C5: variants seen among roughly 807,000 people sequenced by gnomAD.
C5 encodes C3 and PZP-like alpha-2-macroglobulin domain-containing protein 4.
Under a neutral mutation model 218.8 loss-of-function variants are expected in C5, and 140 were observed. The ratio of observed to expected loss-of-function variants is 0.64; its 90% confidence interval spans 0.56 to 0.74. The LOEUF (loss-of-function observed/expected upper bound fraction) is 0.74. C5 is among the 30% of genes least tolerant of loss of function. C5 has a pLI of 0.00. For missense variants in C5, 1,700 were observed against 1,969.6 expected (o/e 0.86, Z 2.59); for synonymous variants, 614 against 682.3 (o/e 0.90, Z 1.56).
rs572345213 is a variant in C5 at position 121,002,316 on chromosome 9, G to GTGTGTGTGTGTGTGTATATA, written c.2562+3602_2562+3603insTATATACACACACACACACA. 3.5e-4 allele frequency among the ~76,000 whole-genome samples: 31 copies of GTGTGTGTGTGTGTGTATATA among 87,392 alleles called. 1 individual carries two copies. Among genetic ancestry groups the GTGTGTGTGTGTGTGTATATA allele is most frequent in the Middle Eastern group, 6.5e-3 (1 of 154 alleles). 57.3% of individuals were successfully genotyped at this position (87,392 alleles called of 152,430 possible). ...TATATATGTATATATATATGTGTGTGTATATATATATATATATATATATAT... is the reference window on the plus strand; with the variant it reads ...TATATATGTATATATATATGTGTGTGTGTGTGTGTGTGTGTATATATATATATATATATATATATATATAT... On this transcript the variant is annotated intron_variant, in intron 20 of 40. Coordinates refer to ENST00000223642, the MANE Select transcript of C5 (RefSeq NM_001735.3).
chr9:121,073,112 G>A, the C5 span, among the ~76,000 whole-genome samples: 2 of 152,184 alleles, frequency 1.3e-5, no homozygotes, highest in African/African-American at 2.4e-5. Flanking sequence ...TCTGCCTTAA[G>A]GAAAAATGAA....
rs139210706 is a variant in C5, at chr9:120,971,966, G to A, written c.4044C>T (p.Val1348=). 19 of 1,613,172 alleles carry A rather than the reference G, an allele frequency of 1.2e-5. No individual in the cohort carries two copies. The African/African-American group carries it at 2.4e-4, about 20-fold the overall frequency. ...CCAAGCCACTGCCAAATCCTGTACT[G>A]ACAATGAGGTCATCATTGAGAAGCA... The part of the protein sequence containing the change: ...VEVLLNDDLI[V]STGFGSGLAT... The change falls in exon 31 of 41, where the codon GTC becomes GTT. Residue 1348 remains valine, a synonymous_variant. Coordinates refer to ENST00000223642, the MANE Select transcript of C5 (RefSeq NM_001735.3).
chr9:121,052,260 C>A (rs1217387704), upstream of C5, among the ~76,000 whole-genome samples: 1 of 151,898 alleles, frequency 6.6e-6, no homozygotes, highest in East Asian at 1.9e-4. Context: ...AGTTCAAGAC[C>A]AGCCTGGCCA....
chr9:121,041,343 C>T (rs1244314955), intron 3 of C5, among the ~76,000 whole-genome samples: 3 of 104,192 alleles, frequency 2.9e-5, no homozygotes, highest in East Asian at 3.4e-4. Context: ...CTCACTCTTT[C>T]GCCCAGGCTG....
upstream of C5, among the ~76,000 whole-genome samples, chr9:121,052,590 A>ATGCTGCCTT (rs1249702267): frequency 6.6e-6 from 1 of 152,066 alleles, no homozygotes; most frequent in African/African-American, 2.4e-5. Flanking sequence ...TTTGGTGGTC[A>ATGCTGCCTT]CCTGACCTTC....
chr9:121,020,262 C>A, intron 11 of C5, 83 bp from the exon 12 acceptor site: 1 of 1,115,846 alleles, frequency 9.0e-7, no homozygotes. Flanking sequence ...ATTTTCCTTG[C>A]TTTATAAATT....
intron 20 of C5, among the ~76,000 whole-genome samples, chr9:121,002,731 T>C (rs2047182859): frequency 6.6e-6 from 1 of 152,146 alleles, no homozygotes; most frequent in African/African-American, 2.4e-5. Context: ...ATCTGAGTTA[T>C]GATTATCTTA....
At chr9:121,023,267 G>A (rs28426093) in intron 10 of C5, 137 bp downstream of exon 10, 134,014 of 731,390 alleles carry the variant, frequency 0.18, 14,173 homozygotes, top group African/African-American at 0.36. Context: ...GTGTCCACCA[G>A]GAGGGGCAGG....
the C5 span, among the ~76,000 whole-genome samples, chr9:121,070,408 TA>T: frequency 1.5e-5 from 2 of 137,624 alleles, no homozygotes; most frequent in African/African-American, 5.7e-5. Flanking sequence ...TATATATATA[TA>T]TATATATATA....
At chr9:120,960,825 C>T (rs1176537675) in intron 37 of C5, among the ~76,000 whole-genome samples, 2 of 152,130 alleles carry the variant, frequency 1.3e-5, no homozygotes, top group African/African-American at 4.8e-5. Context: ...ACATTCAGGT[C>T]TTTAGAAATG....
At chr9:121,071,401 C>T in the C5 span, among the ~76,000 whole-genome samples, 3 of 151,818 alleles carry the variant, frequency 2.0e-5, no homozygotes, top group Admixed American at 2.0e-4. Flanking sequence ...AAAAAAAAAT[C>T]AGGCTGGGCA....
At chr9:121,019,907 C>A (rs2047347974) in intron 12 of C5, 69 bp downstream of exon 12, 2 of 968,564 alleles carry the variant, frequency 2.1e-6, no homozygotes, top group African/African-American at 1.6e-5. Flanking sequence ...AATTCTAATG[C>A]CTCTCTAGAG....
chr9:120,993,953 C>G (rs2047097121), intron 22 of C5, among the ~76,000 whole-genome samples: 1 of 152,106 alleles, frequency 6.6e-6, no homozygotes, highest in African/African-American at 2.4e-5. Flanking sequence ...CTGCCTAAAC[C>G]AATGAGGATG....
chr9:121,044,050 A>G (rs568016526), intron 2 of C5, among the ~76,000 whole-genome samples: 1 of 152,312 alleles, frequency 6.6e-6, no homozygotes, highest in South Asian at 2.1e-4. Context: ...AATTACAAAA[A>G]CCAACTGCTG....
chr9:120,961,457 C>A, intron 37 of C5, 25 bp downstream of exon 37: 12 of 1,488,388 alleles, frequency 8.1e-6, no homozygotes, highest in Non-Finnish European at 1.1e-5. Flanking sequence ...AAGCATGCAG[C>A]CTAAATATGT....
Position 120,962,764 on chromosome 9 carries a change from C to G in C5, c.4411G>C (p.Asp1471His). ...ILQLNSIPSS[D>H]FLCVRFRIFE... ...ATCCGGAATCGTACACAAAGGAAAT[C>G]ACTGGAGGGAATCTGTTTAACAAAT... The change falls in exon 36 of 41, where the codon GAT becomes CAT. Residue 1471 changes from aspartate to histidine, a missense_variant. Coordinates refer to ENST00000223642, the MANE Select transcript of C5 (RefSeq NM_001735.3). 1 of 1,613,804 alleles carries G rather than the reference C, an allele frequency of 6.2e-7. No individual in the cohort carries two copies. Among genetic ancestry groups the G allele is most frequent in the Non-Finnish European group, 8.5e-7 (1 of 1,179,732 alleles).
intron 3 of C5, 35 bp downstream of exon 3, chr9:121,042,969 C>T: frequency 6.4e-7 from 1 of 1,567,446 alleles, no homozygotes; most frequent in Non-Finnish European, 8.8e-7. Context: ...ACTGTCAAAT[C>T]CCCCACCCAG....
At chr9:121,063,040 T>G in the C5 span, among the ~76,000 whole-genome samples, 1 of 152,160 alleles carries the variant, frequency 6.6e-6, no homozygotes, top group African/African-American at 2.4e-5. Flanking sequence ...TTTTGACCAT[T>G]AGTTCTTCAA....
chr9:120,956,520 C>T (rs1311918539), intron 39 of C5, among the ~76,000 whole-genome samples: 2 of 152,050 alleles, frequency 1.3e-5, no homozygotes, highest in Non-Finnish European at 1.5e-5. Context: ...AGATTTAATG[C>T]TATTCCTATC....
Sources: allele counts gnomAD v4.1 joint callset (sites outside exome capture counted in the v4.1 genomes callset), GRCh38; gene constraint gnomAD v4.1.1; transcripts MANE v1.5; gene names NCBI Gene and HGNC (gene_info 2026-07-23, HGNC 2026-07-21).